Variants in SMAP1 observed in about 807,000 individuals in gnomAD.
SMAP1 encodes the protein small ArfGAP 1.
Under a neutral mutation model 58.5 loss-of-function variants are expected in SMAP1, and 24 were observed. The observed-to-expected ratio is 0.41, with a 90% confidence interval of 0.30 to 0.58. The LOEUF is 0.58. SMAP1 is among the 20% of genes least tolerant of loss of function. The pLI is 0.29. For missense variants in SMAP1, 563 were observed against 566.3 expected (o/e 0.99, Z 0.06); for synonymous variants, 216 against 196.6 (o/e 1.10, Z -0.82).
chr6:70,804,963 A>C (rs962950518), intron 6 of SMAP1, among the ~76,000 whole-genome samples: 1 of 150,670 alleles, frequency 6.6e-6, no homozygotes, highest in African/African-American at 2.4e-5. Context: ...CTTGGTGAAT[A>C]TGACAATTAT....
intron 6 of SMAP1, among the ~76,000 whole-genome samples, chr6:70,825,368 T>C (rs1193586233): frequency 6.6e-6 from 1 of 152,174 alleles, no homozygotes. Flanking sequence ...CTCAGGTGTT[T>C]GGCTAATTTT....
intron 6 of SMAP1, among the ~76,000 whole-genome samples, chr6:70,836,680 C>G (rs1770600480): frequency 6.6e-6 from 1 of 152,030 alleles, no homozygotes; most frequent in Non-Finnish European, 1.5e-5. Context: ...TATAAAAGAG[C>G]TAGTAGTTAA....
At chr6:70,715,470 C>A (rs1768230508) in intron 1 of SMAP1, among the ~76,000 whole-genome samples, 1 of 152,186 alleles carries the variant, frequency 6.6e-6, no homozygotes, top group African/African-American at 2.4e-5. Context: ...CTTTCCCAGG[C>A]ATGGGAAGTT....
intron 2 of SMAP1, among the ~76,000 whole-genome samples, chr6:70,737,939 C>G (rs1388945795): frequency 6.6e-6 from 1 of 152,134 alleles, no homozygotes; most frequent in Non-Finnish European, 1.5e-5. Context: ...GTAACTTGAG[C>G]TAGCATATGA....
At chr6:70,750,848 A>G (rs1766245861) in intron 2 of SMAP1, among the ~76,000 whole-genome samples, 1 of 152,244 alleles carries the variant, frequency 6.6e-6, no homozygotes, top group African/African-American at 2.4e-5. Context: ...AGATGAGTCA[A>G]CTAAAAAAGT....
At chr6:70,694,931 A>G (rs1767334962) in intron 1 of SMAP1, among the ~76,000 whole-genome samples, 1 of 152,226 alleles carries the variant, frequency 6.6e-6, no homozygotes, top group Admixed American at 6.5e-5. Flanking sequence ...TCAATCCATG[A>G]ACATGGAATA....
chr6:70,821,411 A>G (rs1030568625), intron 6 of SMAP1, among the ~76,000 whole-genome samples: 4 of 152,088 alleles, frequency 2.6e-5, no homozygotes, highest in African/African-American at 7.2e-5. Flanking sequence ...TAAAGCTGCT[A>G]TGAACATTCT....
intron 5 of SMAP1, among the ~76,000 whole-genome samples, chr6:70,797,061 A>G (rs1768636309): frequency 6.6e-6 from 1 of 152,162 alleles, no homozygotes; most frequent in Non-Finnish European, 1.5e-5. Flanking sequence ...AATGGCTAAT[A>G]AAAGGTTAAA....
At chr6:70,762,296 T>C (rs1435914456) in intron 3 of SMAP1, among the ~76,000 whole-genome samples, 3 of 152,120 alleles carry the variant, frequency 2.0e-5, no homozygotes, top group Admixed American at 6.6e-5. Context: ...GTACATTCAT[T>C]TATGAATGTT....
chr6:70,713,501 CT>C (rs1176926536), intron 1 of SMAP1, among the ~76,000 whole-genome samples: 1 of 152,036 alleles, frequency 6.6e-6, no homozygotes, highest in Non-Finnish European at 1.5e-5. Flanking sequence ...TCTCTTTTGA[CT>C]TACTGTTTGA....
At chr6:70,678,504 A>G (rs1033573880) in intron 1 of SMAP1, among the ~76,000 whole-genome samples, 4 of 152,220 alleles carry the variant, frequency 2.6e-5, no homozygotes, top group African/African-American at 9.6e-5. Context: ...AAAAATTAAC[A>G]GAAGAATGTT....
At position 70,795,703 on chromosome 6, in the gene SMAP1, G is replaced by A. The variant is rs368195061; in HGVS notation, c.496-2954G>A. 3.3e-5 allele frequency among the ~76,000 whole-genome samples: 5 copies of A among 151,842 alleles called. No homozygotes were observed. In the East Asian group the frequency reaches 9.7e-4, roughly 29 times the overall value. ...TAGCAATAACTAATAGCTCTGAGAGGTTAGGGAGCAACTCATTCTCAACAT... is the reference window on the plus strand; with the variant it reads ...TAGCAATAACTAATAGCTCTGAGAGATTAGGGAGCAACTCATTCTCAACAT... On this transcript the variant is annotated intron_variant, in intron 5 of 10. Coordinates refer to ENST00000370455, the MANE Select transcript of SMAP1 (RefSeq NM_001044305.3).
chr6:70,843,464 C>T (rs1003489640), intron 7 of SMAP1, among the ~76,000 whole-genome samples: 9 of 152,098 alleles, frequency 5.9e-5, no homozygotes, highest in South Asian at 2.1e-4. Context: ...ATCATTATTT[C>T]GCTTTTATAG....
At position 70,733,276 on chromosome 6, in the gene SMAP1, TG is replaced by T. The variant is rs1341554515; in HGVS notation, c.252+769del. Among the ~76,000 whole-genome samples, 6 of 152,252 alleles carry T rather than the reference TG, an allele frequency of 3.9e-5. No homozygotes were observed. In the East Asian group the frequency reaches 1.2e-3, roughly 29 times the overall value. On this transcript the variant is annotated intron_variant, in intron 2 of 10. Transcript: ENST00000370455. The stretch of plus-strand genomic sequence containing the variant: ...ATCTTAACCCAATAGTTTACATGAA[TG>T]GGGTGAAGTAAAGGTAGAAAAACAG...
At chr6:70,698,948 G>A (rs1216344037) in intron 1 of SMAP1, among the ~76,000 whole-genome samples, 1 of 152,176 alleles carries the variant, frequency 6.6e-6, no homozygotes, top group Non-Finnish European at 1.5e-5. Context: ...CTTGATGCTT[G>A]TGGATGTTTG....
At chr6:70,843,760 G>A (rs764069391) in intron 7 of SMAP1, among the ~76,000 whole-genome samples, 2 of 152,152 alleles carry the variant, frequency 1.3e-5, no homozygotes, top group Non-Finnish European at 2.9e-5. Context: ...TAGCAGCTTC[G>A]TCTGGGAAAT....
chr6:70,783,453 A>T (rs1767854322), intron 4 of SMAP1, among the ~76,000 whole-genome samples: 1 of 152,248 alleles, frequency 6.6e-6, no homozygotes, highest in Non-Finnish European at 1.5e-5. Context: ...CTGGACAGAG[A>T]ATGACTCTGA....
intron 7 of SMAP1, among the ~76,000 whole-genome samples, chr6:70,846,290 T>C (rs908065979): frequency 6.6e-6 from 1 of 152,178 alleles, no homozygotes; most frequent in African/African-American, 2.4e-5. Context: ...TAACCTGTGT[T>C]TGGAAAGCAT....
chr6:70,831,332 T>C (rs1582273366), intron 6 of SMAP1, among the ~76,000 whole-genome samples: 1 of 152,174 alleles, frequency 6.6e-6, no homozygotes, highest in Admixed American at 6.5e-5. Flanking sequence ...GTAAATTGCA[T>C]GTCACAGGGG....
Sources: gnomAD v4.1 joint callset for allele counts (sites outside exome capture counted in the v4.1 genomes callset) on GRCh38, gnomAD v4.1.1 for gene constraint, MANE v1.5 for transcripts, NCBI Gene and HGNC (gene_info 2026-07-23, HGNC 2026-07-21) for gene names.